Variants in DNAH17 observed in about 807,000 individuals in gnomAD.
DNAH17 encodes the protein dynein axonemal heavy chain 17.
Under a neutral mutation model 485.6 loss-of-function variants are expected in DNAH17, and 376 were observed. The observed-to-expected ratio is 0.77, with a 90% CI of 0.71 to 0.84. The LOEUF is 0.84. DNAH17 is among the 40% of genes least tolerant of loss of function. The probability of loss-of-function intolerance (pLI) is 0.00; values close to 1 mark genes in which losing one functional copy is unlikely to be tolerated. For missense variants in DNAH17, 6,370 were observed against 5,839.3 expected (o/e 1.09, Z -2.96); for synonymous variants, 3,031 against 2,405.9 (o/e 1.26, Z -7.60).
At position 78,439,210 on chromosome 17, in the gene DNAH17, T is replaced by G. The variant is rs753781883; in HGVS notation, c.11685A>C (p.Lys3895Asn). ...TTCCATTGTCTATGGTAAACCCTAG[T>G]TTTTTTCCTAAAGAAAAGAAAAACA... is the stretch of plus-strand genomic sequence containing the variant. ...PLKDVEALGKKLGFTIDNGKL... is the reference protein window; with the variant it reads ...PLKDVEALGKNLGFTIDNGKL... The change falls in exon 73 of 81, where the codon AAA (lysine) becomes AAC (asparagine). Residue 3895 changes from lysine (K) to asparagine (N), a missense_variant. Lys to Asn is a moderately conservative substitution (Grantham distance 94). Coordinates refer to ENST00000389840, the MANE Select transcript of DNAH17 (RefSeq NM_173628.4). 6.2e-7 allele frequency: 1 copy of G among 1,601,882 alleles called. No individual in the cohort carries two copies. The highest frequency in any genetic ancestry group is 8.5e-7 in the Non-Finnish European group (1 of 1,176,014).
chr17:78,548,629 C>T (rs745533798), intron 16 of DNAH17, among the ~76,000 whole-genome samples: 37 of 152,170 alleles, frequency 2.4e-4, no homozygotes, highest in Non-Finnish European at 4.7e-4. Context: ...TTTGAACAGC[C>T]TCCTTTTGGT....
At position 78,507,312 on chromosome 17, in the gene DNAH17, C is replaced by T. The variant is rs376563287; in HGVS notation, c.4642G>A (p.Gly1548Ser). Reference sequence around the variant, plus strand: ...AGGGCCTCCAGTTTATTGTAGAGGCCGGGTTTGCTGGTGGCTTCCACCACG... The same window carrying T: ...AGGGCCTCCAGTTTATTGTAGAGGCTGGGTTTGCTGGTGGCTTCCACCACG... ...PNVVEATSKP[G>S]LYNKLEALKK... Residue 1548 changes from glycine (G) to serine (S), a missense_variant, in exon 29 of 81, where the codon GGC (glycine) becomes AGC (serine). Physicochemically the swap from Gly to Ser is moderately conservative, Grantham distance 56. Coordinates refer to ENST00000389840, the MANE Select transcript of DNAH17 (RefSeq NM_173628.4). 1.3e-5 allele frequency: 21 copies of T among 1,613,868 alleles called. No individual in the cohort carries two copies. The highest frequency in any genetic ancestry group is 9.3e-5 in the African/African-American group (7 of 74,924).
rs773985343 is a variant in DNAH17 at position 78,571,763 on chromosome 17, T to C, written c.559A>G (p.Asn187Asp). Residue 187 changes from asparagine (N) to aspartate (D), a missense_variant, in exon 4 of 81, where the codon AAC becomes GAC. Physicochemically the swap from Asn to Asp is conservative, Grantham distance 23. Transcript: ENST00000389840. ...SMERIPSSLD[N>D]LLLHAIETTI... ...GTTTCAATGGCGTGCAGGAGCAAGTTGTCCAGTGAAGAGGGGATCCTGCCC... is the reference window on the plus strand; with the variant it reads ...GTTTCAATGGCGTGCAGGAGCAAGTCGTCCAGTGAAGAGGGGATCCTGCCC... 26 of 1,598,054 alleles carry C rather than the reference T, an allele frequency of 1.6e-5. 1 individual carries two copies. The South Asian group carries it at 2.8e-4, about 17-fold the overall frequency.
chr17:78,469,816 A>G (rs1466086069), intron 54 of DNAH17, among the ~76,000 whole-genome samples: 1 of 152,258 alleles, frequency 6.6e-6, no homozygotes, highest in Non-Finnish European at 1.5e-5. Flanking sequence ...AAAATAAGCC[A>G]GACACGAAAG....
At chr17:78,441,287 G>A in intron 71 of DNAH17, 88 bp from the exon 72 acceptor site, 4 of 1,490,632 alleles carry the variant, frequency 2.7e-6, no homozygotes, top group Non-Finnish European at 9.0e-7. Flanking sequence ...CAGGCAGGGG[G>A]GCCATTTTTT....
In DNAH17 at chr17:78,558,117, C is replaced by G; in HGVS notation, c.2169G>C (p.Trp723Cys). Reference sequence around the variant, plus strand: ...CGACTCACCAACTCACCTCATTATACCAGCCAACGATGAGCTCCAGGTTGC... The same window carrying G: ...CGACTCACCAACTCACCTCATTATAGCAGCCAACGATGAGCTCCAGGTTGC... ...FVGNLELIVG[W>C]YNEIKTIVKA... The change falls in exon 14 of 81, where the codon TGG (tryptophan) becomes TGC (cysteine). Residue 723 changes from tryptophan (W) to cysteine (C), a missense_variant. Transcript: ENST00000389840. 1 of 1,613,322 alleles carries G rather than the reference C, an allele frequency of 6.2e-7. No individual in the cohort carries two copies. Among genetic ancestry groups the G allele is most frequent in the South Asian group, 1.1e-5 (1 of 90,874 alleles).
At chr17:78,476,022 G>A (rs1199705731) in intron 52 of DNAH17, among the ~76,000 whole-genome samples, 189 bp from the exon 53 acceptor site, 1 of 152,058 alleles carries the variant, frequency 6.6e-6, no homozygotes, top group Non-Finnish European at 1.5e-5. Context: ...TCCTAGAGTG[G>A]GAGGGTCTGA....
intron 25 of DNAH17, among the ~76,000 whole-genome samples, chr17:78,520,133 A>C (rs995787985): frequency 3.3e-5 from 5 of 152,186 alleles, no homozygotes; most frequent in African/African-American, 7.2e-5. Flanking sequence ...AGTCAGTGTA[A>C]TCAATTATCT....
rs560327885 is a variant in DNAH17 at position 78,525,227 on chromosome 17, G to T, written c.3712-66C>A. 2.6e-6 allele frequency: 4 copies of T among 1,564,048 alleles called. No individual in the cohort carries two copies. In the Admixed American group the frequency reaches 5.2e-5, roughly 20 times the overall value. On this transcript the variant is annotated intron_variant, in intron 24 of 80. Coordinates refer to ENST00000389840, the MANE Select transcript of DNAH17 (RefSeq NM_173628.4). ...TCAGCGGTGCCCCACCCCACTCCCC[G>T]ACGTTCTGCCCGTCTCTCCAGTGTG...
intron 77 of DNAH17, among the ~76,000 whole-genome samples, chr17:78,427,969 A>G (rs1568036514): frequency 3.7e-4 from 2 of 5,402 alleles, no homozygotes; most frequent in South Asian, 0.025. Context: ...TCCGTCTCAA[A>G]AAAAAAAAAA....
chr17:78,557,392 C>T lies in DNAH17; in HGVS notation c.2178+716G>A, dbSNP rs1302544728. On this transcript the variant is annotated intron_variant, in intron 14 of 80. Coordinates refer to ENST00000389840, the MANE Select transcript of DNAH17 (RefSeq NM_173628.4). ...CAACACTTTGGGAGGCAGAGGCGGG[C>T]AAATCACCTAAGGTCAAGAGTTCGA... 2.0e-5 allele frequency among the ~76,000 whole-genome samples: 3 copies of T among 151,986 alleles called. No individual in the cohort carries two copies. The South Asian group carries it at 6.2e-4, about 32-fold the overall frequency.
intron 14 of DNAH17, 43 bp downstream of exon 14, chr17:78,558,065 A>C (rs4969171): frequency 7.1e-6 from 11 of 1,560,212 alleles, no homozygotes; most frequent in Non-Finnish European, 9.6e-6. Flanking sequence ...AAACCAAAAC[A>C]ATACAAAGCT....
rs1191485191 is a variant in DNAH17, at chr17:78,555,247, T to C, written c.2179-2442A>G. On this transcript the variant is annotated intron_variant, in intron 14 of 80. Coordinates refer to ENST00000389840, the MANE Select transcript of DNAH17 (RefSeq NM_173628.4). Reference sequence around the variant, plus strand: ...CAGGATTCCGTCCATCAGGGTTGGGTTGTTAAACAATGACAAGGACAGTGG... The same window carrying C: ...CAGGATTCCGTCCATCAGGGTTGGGCTGTTAAACAATGACAAGGACAGTGG... Among the ~76,000 whole-genome samples the C allele has an allele frequency of 1.3e-5, 2 of 151,352 alleles. 1 individual carries two copies. The highest frequency in any genetic ancestry group is 2.9e-5 in the Non-Finnish European group (2 of 67,908).
At chr17:78,571,422 C>T (rs2143733008) in intron 4 of DNAH17, 44 bp from the exon 5 acceptor site, 1 of 1,555,222 alleles carries the variant, frequency 6.4e-7, no homozygotes, top group Non-Finnish European at 8.9e-7. Context: ...ACCTGGAAGA[C>T]CCTAAGGCGA....
In DNAH17 at chr17:78,439,237, G is replaced by GA. The variant is rs750718680; in HGVS notation, c.11678-21dup. 54 of 1,589,454 alleles carry GA rather than the reference G, an allele frequency of 3.4e-5. No homozygotes were observed. Among genetic ancestry groups the GA allele is most frequent in the African/African-American group, 3.0e-4 (22 of 73,522 alleles). On this transcript the variant is annotated intron_variant, in intron 72 of 80. Coordinates refer to ENST00000389840, the MANE Select transcript of DNAH17 (RefSeq NM_173628.4). The stretch of plus-strand genomic sequence containing the variant: ...TTTTTCCTAAAGAAAAGAAAAACAG[G>GA]AAAAAAACACCACGTAATTAAATGA...
In DNAH17 at chr17:78,425,892, A is replaced by T. The variant is rs144579230; in HGVS notation, c.12916-321T>A. On this transcript the variant is annotated intron_variant, in intron 79 of 80. Transcript: ENST00000389840. ...GCAATTCTCCTGCCTCAGCTTCCAG[A>T]GTAGCTGGGATTACAGGTGCAGGCC... 1.4e-3 allele frequency among the ~76,000 whole-genome samples: 213 copies of T among 151,628 alleles called. 5 individuals carry two copies. The East Asian group carries it at 0.03, about 22-fold the overall frequency.
At chr17:78,470,532 T>C (rs1405039824) in intron 54 of DNAH17, among the ~76,000 whole-genome samples, 1 of 151,962 alleles carries the variant, frequency 6.6e-6, no homozygotes, top group South Asian at 2.1e-4. Context: ...CTACAAAAAA[T>C]ACAACAATTA....
At position 78,570,353 on chromosome 17, in the gene DNAH17, T is replaced by C. The variant is rs2092333691; in HGVS notation, c.938A>G (p.Lys313Arg). Residue 313 changes from lysine to arginine, a missense_variant, in exon 7 of 81, where the codon AAG becomes AGG. Coordinates refer to ENST00000389840, the MANE Select transcript of DNAH17 (RefSeq NM_173628.4). ...DFTMLPTFIA[K>R]VLDTICFIWA... ...GATGAAGCAGATGGTGTCCAGCACC[T>C]TGGCAATGAAGGTGGGGAGCTGGGG... The C allele has an allele frequency of 2.5e-6, 4 of 1,610,794 alleles. No individual in the cohort carries two copies. In the South Asian group the frequency reaches 4.4e-5, roughly 18 times the overall value.
chr17:78,440,952 G>C lies in DNAH17; in HGVS notation c.11677+99C>G, dbSNP rs1037429404. ...CGGCGTGAAGCCGCGTCTTGGGTGT[G>C]AAGTGGTGTCTCATGTGCTTTTGGT... is the stretch of plus-strand genomic sequence containing the variant. On this transcript the variant is annotated intron_variant, in intron 72 of 80. Coordinates refer to ENST00000389840, the MANE Select transcript of DNAH17 (RefSeq NM_173628.4). The C allele has an allele frequency of 4.2e-6, 6 of 1,420,314 alleles. No homozygotes were observed. The Middle Eastern group carries it at 5.3e-4, about 126-fold the overall frequency. 88.0% of individuals were successfully genotyped at this position (1,420,314 alleles called of 1,614,324 possible).
Sources: allele counts gnomAD v4.1 joint callset (sites outside exome capture counted in the v4.1 genomes callset), GRCh38; gene constraint gnomAD v4.1.1; transcripts MANE v1.5; gene names NCBI Gene and HGNC (gene_info 2026-07-23, HGNC 2026-07-21).